KCTD8: variants seen among roughly 807,000 people sequenced by gnomAD.
KCTD8 encodes BTB/POZ domain-containing protein KCTD8.
A neutral mutation model predicts 31.5 loss-of-function variants in KCTD8; 27 were observed. That is an observed-to-expected ratio of 0.86 (90% CI 0.63 to 1.18). KCTD8 has a LOEUF of 1.18. Ranked by LOEUF, KCTD8 falls within the 50% of genes most tolerant of loss-of-function variation. The pLI, the probability that KCTD8 is intolerant of heterozygous loss-of-function variation, is 0.00. For synonymous variants in KCTD8, 290 were observed against 280.0 expected, an observed-to-expected ratio of 1.04 and a Z score of -0.36; for missense variants, 658 against 647.7, an observed-to-expected ratio of 1.02 and a Z score of -0.17.
intron 1 of KCTD8, among the ~76,000 whole-genome samples, chr4:44,269,701 G>A (rs1266696079): frequency 4.6e-5 from 7 of 151,392 alleles, no homozygotes; most frequent in East Asian, 3.9e-4. Flanking sequence ...CAAGAAAAAA[G>A]CAAACAACCC....
At chr4:44,263,880 ATGT>A (rs1716254524) in intron 1 of KCTD8, among the ~76,000 whole-genome samples, 1 of 152,176 alleles carries the variant, frequency 6.6e-6, no homozygotes, top group Non-Finnish European at 1.5e-5. Flanking sequence ...AAAGCTCTCC[ATGT>A]TGTTCCTGCA....
intron 1 of KCTD8, among the ~76,000 whole-genome samples, chr4:44,405,104 T>C (rs1395974591): frequency 6.6e-6 from 1 of 152,140 alleles, no homozygotes; most frequent in Non-Finnish European, 1.5e-5. Flanking sequence ...CTAATATTCA[T>C]GGCCAAACAT....
rs533059603 is a variant in KCTD8, at chr4:44,352,771, T to C, written c.961+94792A>G. 5.3e-5 allele frequency among the ~76,000 whole-genome samples: 8 copies of C among 151,962 alleles called. No homozygotes were observed. In the East Asian group the frequency reaches 9.7e-4, roughly 18 times the overall value. ...GGAAAGCAGAATGCATAAAAAGGTA[T>C]AGGTTATCATTAGGCACCTTTATGT... On this transcript the variant is annotated intron_variant, in intron 1 of 1. Coordinates refer to ENST00000360029, the MANE Select transcript of KCTD8 (RefSeq NM_198353.3).
intron 1 of KCTD8, among the ~76,000 whole-genome samples, chr4:44,326,872 A>G (rs958979463): frequency 6.6e-6 from 1 of 151,896 alleles, no homozygotes; most frequent in Admixed American, 6.6e-5. Flanking sequence ...TAACCAGCTC[A>G]TATTCCTCAT....
At position 44,252,127 on chromosome 4, in the gene KCTD8, T is replaced by C. The variant is rs146107663; in HGVS notation, c.962-76877A>G. Among the ~76,000 whole-genome samples the C allele has an allele frequency of 6.1e-3, 927 of 151,926 alleles. 13 individuals carry two copies. Among genetic ancestry groups the C allele is most frequent in the African/African-American group, 0.021 (864 of 41,508 alleles). Reference sequence around the variant, plus strand: ...CATACAATGTTTGGATTTCCATTCCTGAGTTACGTCACTTAGAATAATGCT... The same window carrying C: ...CATACAATGTTTGGATTTCCATTCCCGAGTTACGTCACTTAGAATAATGCT... On this transcript the variant is annotated intron_variant, in intron 1 of 1. Transcript: ENST00000360029.
Position 44,394,883 on chromosome 4 carries a change from AG to A in KCTD8, c.961+52679del, listed in dbSNP as rs978629280. 5.5e-4 allele frequency among the ~76,000 whole-genome samples: 83 copies of A among 152,232 alleles called. No homozygotes were observed. In the Middle Eastern group the frequency reaches 0.01, roughly 19 times the overall value. On this transcript the variant is annotated intron_variant, in intron 1 of 1. Coordinates refer to ENST00000360029, the MANE Select transcript of KCTD8 (RefSeq NM_198353.3). ...CACAAAAACATTCAGGTTCTGATGT[AG>A]GTCTTGTTCCAGTGACTCGACAATA...
intron 1 of KCTD8, among the ~76,000 whole-genome samples, chr4:44,368,607 A>G (rs1325326697): frequency 6.6e-6 from 1 of 152,128 alleles, no homozygotes; most frequent in East Asian, 1.9e-4. Flanking sequence ...AGCAGCAGAA[A>G]GATAAATATG....
intron 1 of KCTD8, among the ~76,000 whole-genome samples, chr4:44,385,834 T>C (rs1720198235): frequency 6.6e-6 from 1 of 151,530 alleles, no homozygotes; most frequent in African/African-American, 2.4e-5. Context: ...AAAATTTATA[T>C]AAAGAACTCC....
chr4:44,283,126 T>C (rs190607228), intron 1 of KCTD8, among the ~76,000 whole-genome samples: 17 of 151,482 alleles, frequency 1.1e-4, no homozygotes, highest in Admixed American at 1.1e-3. Flanking sequence ...CTCAGCTCAC[T>C]GCAACCTCCG....
chr4:44,317,475 A>G (rs925899354), intron 1 of KCTD8, among the ~76,000 whole-genome samples: 3 of 149,754 alleles, frequency 2.0e-5, no homozygotes, highest in African/African-American at 5.0e-5. Context: ...TCCTGACCTC[A>G]TGATCCACCC....
chr4:44,322,510 G>A (rs1184729342), intron 1 of KCTD8, among the ~76,000 whole-genome samples: 2 of 151,832 alleles, frequency 1.3e-5, no homozygotes, highest in African/African-American at 4.9e-5. Context: ...TTTGTCAGAT[G>A]GATATTTTGC....
At chr4:44,197,338 A>G (rs1031800179) in intron 1 of KCTD8, among the ~76,000 whole-genome samples, 9 of 152,112 alleles carry the variant, frequency 5.9e-5, no homozygotes. Flanking sequence ...AGGGAGCCCC[A>G]CAGCCTGGAA....
At chr4:44,311,850 C>A (rs1717960827) in intron 1 of KCTD8, among the ~76,000 whole-genome samples, 1 of 150,310 alleles carries the variant, frequency 6.7e-6, no homozygotes, top group African/African-American at 2.5e-5. Flanking sequence ...TATTTTGATT[C>A]TGTGTCAGCA....
intron 1 of KCTD8, among the ~76,000 whole-genome samples, chr4:44,426,261 G>A (rs1424469156): frequency 6.6e-6 from 1 of 151,682 alleles, no homozygotes; most frequent in Middle Eastern, 3.2e-3. Context: ...CAGTGAAACA[G>A]AGGAAGAAAA....
chr4:44,243,138 A>G (rs1231781091), intron 1 of KCTD8, among the ~76,000 whole-genome samples: 1 of 152,212 alleles, frequency 6.6e-6, no homozygotes, highest in Non-Finnish European at 1.5e-5. Flanking sequence ...AACCACCAGG[A>G]AATGATGAAA....
chr4:44,266,650 T>C (rs1445011568), intron 1 of KCTD8, among the ~76,000 whole-genome samples: 1 of 150,484 alleles, frequency 6.6e-6, no homozygotes, highest in Non-Finnish European at 1.5e-5. Flanking sequence ...AGGAAACCCA[T>C]CTCACGTGCA....
At chr4:44,262,533 G>GAA in intron 1 of KCTD8, among the ~76,000 whole-genome samples, 1 of 151,858 alleles carries the variant, frequency 6.6e-6, no homozygotes, top group East Asian at 1.9e-4. Flanking sequence ...TGGAGTGAGG[G>GAA]AAAAAAAGCA....
intron 1 of KCTD8, among the ~76,000 whole-genome samples, chr4:44,194,700 A>G (rs1239962877): frequency 1.3e-5 from 2 of 150,860 alleles, no homozygotes; most frequent in Non-Finnish European, 2.9e-5. Context: ...AATTACTTAA[A>G]ATAATTATGT....
rs1306701964 is a variant in KCTD8 at position 44,175,135 on chromosome 4, A to G, written c.1077T>C (p.Ser359=). The part of the protein sequence containing the change: ...GTSCNELSTS[S]CDSHSEASTP... ...TGCTTGCCTCTGAATGGCTGTCACA[A>G]CTGGAAGTGGAGAGCTCATTACAGG... is the stretch of plus-strand genomic sequence containing the variant. Residue 359 remains serine (S), a synonymous_variant, in exon 2 of 2, where the codon AGT becomes AGC. Transcript: ENST00000360029. 3 of 1,614,002 alleles carry G rather than the reference A, an allele frequency of 1.9e-6. No homozygotes were observed. Among genetic ancestry groups the G allele is most frequent in the Non-Finnish European group, 2.5e-6 (3 of 1,179,952 alleles).
Sources: gnomAD v4.1 joint callset for allele counts (sites outside exome capture counted in the v4.1 genomes callset) on GRCh38, gnomAD v4.1.1 for gene constraint, MANE v1.5 for transcripts, NCBI Gene and HGNC (gene_info 2026-07-23, HGNC 2026-07-21) for gene names.